The following STPG2 variants were observed in gnomAD, a reference collection of about 807,000 sequenced individuals.
STPG2 encodes sperm-tail PG-rich repeat-containing protein 2.
A neutral mutation model predicts 54.2 loss-of-function variants in STPG2; 56 were observed. The ratio of observed to expected loss-of-function variants is 1.03; its 90% CI spans 0.83 to 1.29. STPG2 has a LOEUF of 1.29. Ranked by LOEUF, STPG2 falls within the 50% of genes most tolerant of loss-of-function variation. STPG2 has a pLI of 0.00. For missense variants in STPG2, 596 were observed against 544.9 expected (o/e 1.09, Z -0.93); for synonymous variants, 200 against 181.8 (o/e 1.10, Z -0.81).
At chr4:97,912,788 T>G (rs1731729326) in intron 8 of STPG2, among the ~76,000 whole-genome samples, 1 of 152,234 alleles carries the variant, frequency 6.6e-6, no homozygotes, top group South Asian at 2.1e-4. Context: ...ATCTAGGAGA[T>G]GCCATGCATT....
At chr4:97,768,699 T>C (rs930770441) in intron 9 of STPG2, among the ~76,000 whole-genome samples, 8 of 151,638 alleles carry the variant, frequency 5.3e-5, no homozygotes, top group Admixed American at 5.3e-4. Context: ...AGTTTGGTGG[T>C]CTCTCTTTTT....
chr4:97,953,248 G>T (rs772419822), intron 7 of STPG2, among the ~76,000 whole-genome samples: 2 of 152,180 alleles, frequency 1.3e-5, no homozygotes, highest in Non-Finnish European at 2.9e-5. Context: ...GTACAAATGA[G>T]TTTGTACAGG....
intron 8 of STPG2, among the ~76,000 whole-genome samples, chr4:97,849,425 C>T (rs887619897): frequency 6.6e-6 from 1 of 151,806 alleles, no homozygotes; most frequent in Non-Finnish European, 1.5e-5. Context: ...CAAATAGGAT[C>T]TCATTAAACT....
At chr4:97,813,734 G>T (rs1006414465) in intron 9 of STPG2, among the ~76,000 whole-genome samples, 19 of 95,194 alleles carry the variant, frequency 2.0e-4, no homozygotes, top group East Asian at 5.6e-4. Context: ...AATAAAAAAT[G>T]TACACAATTT....
intron 2 of STPG2, among the ~76,000 whole-genome samples, chr4:98,132,418 C>T (rs1740021817): frequency 6.6e-6 from 1 of 151,878 alleles, no homozygotes; most frequent in South Asian, 2.1e-4. Flanking sequence ...ATGTCATTAA[C>T]AAGTATAATT....
chr4:97,927,148 C>A, intron 8 of STPG2, among the ~76,000 whole-genome samples: 1 of 152,088 alleles, frequency 6.6e-6, no homozygotes, highest in South Asian at 2.1e-4. Context: ...AAATATTTAA[C>A]AACTCAAATT....
At chr4:98,020,940 T>A (rs958879184) in intron 5 of STPG2, among the ~76,000 whole-genome samples, 26 of 152,170 alleles carry the variant, frequency 1.7e-4, no homozygotes, top group African/African-American at 6.0e-4. Context: ...TAGCAGTCTA[T>A]CAGTTTTGTT....
downstream of STPG2, among the ~76,000 whole-genome samples, chr4:97,555,184 TC>T (rs1732049474): frequency 6.6e-6 from 1 of 152,192 alleles, no homozygotes; most frequent in African/African-American, 2.4e-5. Context: ...TACCCTTCTT[TC>T]TTTGTTTCAG....
intron 10 of STPG2, among the ~76,000 whole-genome samples, chr4:97,577,727 A>G (rs1732758344): frequency 6.6e-6 from 1 of 152,196 alleles, no homozygotes. Context: ...CCTGAATCTA[A>G]AACAAACATA....
At chr4:97,836,367 C>A (rs1276118301) in intron 9 of STPG2, among the ~76,000 whole-genome samples, 1 of 150,814 alleles carries the variant, frequency 6.6e-6, no homozygotes, top group African/African-American at 2.4e-5. Flanking sequence ...TGATTGTTAG[C>A]AGTTTTTTTT....
At chr4:97,632,904 A>T (rs1440353282) in intron 10 of STPG2, among the ~76,000 whole-genome samples, 3 of 152,164 alleles carry the variant, frequency 2.0e-5, no homozygotes, top group Non-Finnish European at 4.4e-5. Flanking sequence ...CAACAATTCA[A>T]TTGGATGCTT....
chr4:98,012,348 T>C (rs1244816322), intron 5 of STPG2, among the ~76,000 whole-genome samples: 1 of 152,238 alleles, frequency 6.6e-6, no homozygotes, highest in Non-Finnish European at 1.5e-5. Context: ...TTTTGGTTTC[T>C]GTAGCCTTGC....
chr4:97,698,684 A>G (rs1723666256), intron 10 of STPG2, among the ~76,000 whole-genome samples: 1 of 152,118 alleles, frequency 6.6e-6, no homozygotes, highest in South Asian at 2.1e-4. Flanking sequence ...AAACAATGCC[A>G]TATATTGGAG....
intron 5 of STPG2, among the ~76,000 whole-genome samples, chr4:98,076,963 T>G (rs1478146703): frequency 6.6e-6 from 1 of 152,148 alleles, no homozygotes; most frequent in East Asian, 1.9e-4. Context: ...AAAATGATAC[T>G]ATTTCTAACT....
intron 4 of STPG2, among the ~76,000 whole-genome samples, chr4:97,550,588 T>G (rs192648187): frequency 1.3e-5 from 2 of 152,320 alleles, no homozygotes; most frequent in African/African-American, 2.4e-5. Context: ...GTTATTAAGA[T>G]TATTTACTAT....
chr4:98,117,029 T>C (rs898353390), intron 3 of STPG2, among the ~76,000 whole-genome samples: 4 of 152,046 alleles, frequency 2.6e-5, no homozygotes, highest in Non-Finnish European at 5.9e-5. Flanking sequence ...TTTACCTTTA[T>C]CATTGTTCTT....
At chr4:97,782,495 G>A (rs183728005) in intron 9 of STPG2, among the ~76,000 whole-genome samples, 167 of 151,274 alleles carry the variant, frequency 1.1e-3, no homozygotes, top group African/African-American at 3.5e-3. Context: ...TGAAAATGGC[G>A]ATACTGACCA....
At chr4:98,103,734 T>C (rs9307218) in intron 5 of STPG2, among the ~76,000 whole-genome samples, 59,424 of 151,860 alleles carry the variant, frequency 0.39, 11,858 homozygotes, top group Middle Eastern at 0.46. Flanking sequence ...TATCTAAATT[T>C]CTAATTCACT....
chr4:97,734,607 G>T (rs1184030157), intron 9 of STPG2, among the ~76,000 whole-genome samples: 1 of 152,126 alleles, frequency 6.6e-6, no homozygotes, highest in Admixed American at 6.5e-5. Flanking sequence ...ACATTGATAA[G>T]TTTGTGTTTA....
Sources: allele counts gnomAD v4.1 joint callset (sites outside exome capture counted in the v4.1 genomes callset), GRCh38; gene constraint gnomAD v4.1.1; transcripts MANE v1.5; gene names NCBI Gene and HGNC (gene_info 2026-07-23, HGNC 2026-07-21).